LRCH3: variants seen among roughly 807,000 people sequenced by gnomAD.
LRCH3 encodes DISP complex protein LRCH3.
LRCH3 carries 68 observed loss-of-function variants against 104.5 expected under a neutral mutation model. The observed-to-expected ratio is 0.65, with a 90% CI of 0.54 to 0.80. The LOEUF (loss-of-function observed/expected upper bound fraction) is 0.80. LRCH3 is among the 30% of genes least tolerant of loss of function. The pLI is 0.00. For synonymous variants in LRCH3, 344 were observed against 361.3 expected, an observed-to-expected ratio of 0.95 and a Z score of 0.54; for missense variants, 951 against 953.9, an observed-to-expected ratio of 1.00 and a Z score of 0.04.
intron 15 of LRCH3, among the ~76,000 whole-genome samples, chr3:197,863,483 T>C (rs537191219): frequency 1.4e-4 from 21 of 152,142 alleles, no homozygotes; most frequent in African/African-American, 4.8e-4. Context: ...ATGGTCTCAA[T>C]CTCTTGACCA....
chr3:197,807,536 A>G (rs1732651678), intron 1 of LRCH3, among the ~76,000 whole-genome samples: 1 of 151,940 alleles, frequency 6.6e-6, no homozygotes, highest in African/African-American at 2.4e-5. Flanking sequence ...ATGTTTTTAA[A>G]TCCACTTTGC....
intron 10 of LRCH3, among the ~76,000 whole-genome samples, chr3:197,845,406 C>CAAAA (rs370414681): frequency 3.5e-5 from 3 of 85,794 alleles, no homozygotes; most frequent in African/African-American, 7.7e-5. Context: ...GAGACTCTGT[C>CAAAA]AAAAAAAAAA....
chr3:197,860,529 G>C (rs1392157864), intron 15 of LRCH3, among the ~76,000 whole-genome samples: 2 of 152,000 alleles, frequency 1.3e-5, no homozygotes, highest in East Asian at 3.9e-4. Flanking sequence ...TCACACCACT[G>C]TACCCCAGCC....
chr3:197,832,920 A>G (rs1435050541), intron 8 of LRCH3, among the ~76,000 whole-genome samples: 1 of 152,066 alleles, frequency 6.6e-6, no homozygotes, highest in Non-Finnish European at 1.5e-5. Flanking sequence ...TTTCATATTT[A>G]AATTTTGAGG....
chr3:197,834,120 G>GGC (rs1736360182), intron 8 of LRCH3, among the ~76,000 whole-genome samples: 1 of 152,214 alleles, frequency 6.6e-6, no homozygotes, highest in African/African-American at 2.4e-5. Context: ...TAGGCAGCCT[G>GGC]TAGAACGTCA....
At chr3:197,852,745 A>G (rs916464132) in intron 13 of LRCH3, 125 bp downstream of exon 13, 32 of 953,160 alleles carry the variant, frequency 3.4e-5, no homozygotes, top group Non-Finnish European at 4.6e-5. Context: ...CCACCTCACA[A>G]TATTCTCCTT....
At position 197,830,763 on chromosome 3, in the gene LRCH3, T is replaced by TA. The variant is rs774269896; in HGVS notation, c.888-7_888-6insA. The TA allele has an allele frequency of 6.2e-7, 1 of 1,609,716 alleles. No individual in the cohort carries two copies. The highest frequency in any genetic ancestry group is 8.5e-7 in the Non-Finnish European group (1 of 1,176,912). The stretch of plus-strand genomic sequence containing the variant: ...AACTTTGCAGTAACAGAGTCTCTTT[T>TA]CGGCAGCCATGAAGAACTGTACTCA... On this transcript the variant is annotated splice_region_variant and splice_polypyrimidine_tract_variant and intron_variant, in intron 6 of 20. Transcript: ENST00000425562.
chr3:197,837,294 A>AT (rs1192480675), intron 9 of LRCH3, among the ~76,000 whole-genome samples: 1 of 152,214 alleles, frequency 6.6e-6, no homozygotes. Context: ...TAGGCTGTAT[A>AT]AATGGAGTAT....
At chr3:197,855,141 A>G (rs1740079041) in intron 14 of LRCH3, among the ~76,000 whole-genome samples, 2 of 152,324 alleles carry the variant, frequency 1.3e-5, no homozygotes, top group South Asian at 2.1e-4. Flanking sequence ...TCTAGTGCCT[A>G]CAGTGCTAGT....
intron 1 of LRCH3, among the ~76,000 whole-genome samples, chr3:197,799,667 G>C (rs1731648165): frequency 6.6e-6 from 1 of 151,590 alleles, no homozygotes; most frequent in African/African-American, 2.4e-5. Flanking sequence ...AGGAGTTTGA[G>C]ACCAACCTGA....
intron 8 of LRCH3, among the ~76,000 whole-genome samples, chr3:197,834,186 T>A (rs1736373950): frequency 6.6e-6 from 1 of 151,672 alleles, no homozygotes; most frequent in Admixed American, 6.6e-5. Context: ...TAGTAGGAAG[T>A]TTTTTTTTCT....
chr3:197,864,293 C>T (rs1185705421), intron 15 of LRCH3, among the ~76,000 whole-genome samples: 4 of 144,836 alleles, frequency 2.8e-5, no homozygotes, highest in South Asian at 2.2e-4. Flanking sequence ...GCAACAAGAG[C>T]GAGACTCCAT....
chr3:197,835,911 G>A (rs546534605), intron 9 of LRCH3, 89 bp downstream of exon 9: 1 of 1,338,640 alleles, frequency 7.5e-7, no homozygotes, highest in Admixed American at 2.0e-5. Context: ...TCAGTGATTT[G>A]TTGACTGAAG....
chr3:197,812,969 G>A (rs1014644904), intron 1 of LRCH3, among the ~76,000 whole-genome samples: 1 of 152,098 alleles, frequency 6.6e-6, no homozygotes, highest in African/African-American at 2.4e-5. Context: ...TTCCACAGTG[G>A]CTGTTTCCAC....
chr3:197,866,200 CAG>C lies in LRCH3; in HGVS notation c.1855_1856del (p.Arg619GlyfsTer20), dbSNP rs1207010968. The C allele has an allele frequency of 6.2e-7, 1 of 1,613,882 alleles. No homozygotes were observed. Among genetic ancestry groups the C allele is most frequent in the Admixed American group, 1.7e-5 (1 of 60,022 alleles). On this transcript the variant is annotated frameshift_variant, in exon 17 of 21. Coordinates refer to ENST00000425562, the MANE Select transcript of LRCH3 (RefSeq NM_001365715.1). LOFTEE classifies it high-confidence loss of function. Reference protein sequence around the residue: ...PESFLFRAGVRAETNKGHASP... With the variant: ...PESFLFRAGVXAETNKGHASP... ...AAAGCTTCCTTTTCCGAGCAGGTGT[CAG>C]GGCAGAAACCAACAAAGGTAGGTGG...
chr3:197,829,544 A>G lies in LRCH3; in HGVS notation c.778-20A>G. ...TTCAGATGAGTAATAATTTGGCTAC[A>G]TCTGTGTGACTTTATTTAGATATGT... On this transcript the variant is annotated intron_variant, in intron 5 of 20. Transcript: ENST00000425562. 6.5e-7 allele frequency: 1 copy of G among 1,540,360 alleles called. No homozygotes were observed. The highest frequency in any genetic ancestry group is 8.9e-7 in the Non-Finnish European group (1 of 1,124,120).
chr3:197,863,296 T>G (rs1337984873), intron 15 of LRCH3, among the ~76,000 whole-genome samples: 2 of 152,202 alleles, frequency 1.3e-5, no homozygotes, highest in Non-Finnish European at 1.5e-5. Flanking sequence ...GGAGTCTCAC[T>G]CTGTTGCCCA....
chr3:197,863,966 T>C (rs1741169936), intron 15 of LRCH3, among the ~76,000 whole-genome samples: 1 of 152,234 alleles, frequency 6.6e-6, no homozygotes, highest in Admixed American at 6.5e-5. Flanking sequence ...ATGATCATTT[T>C]TCATAGTCTT....
rs1485722254 is a variant in LRCH3, at chr3:197,847,389, T to C, written c.1329-20T>C. ...TTTTATCAAAGAGTTTTTTTCTTTC[T>C]TTTTTCTTTTTTGGGTCAGGGTTCC... On this transcript the variant is annotated intron_variant, in intron 10 of 20. Coordinates refer to ENST00000425562, the MANE Select transcript of LRCH3 (RefSeq NM_001365715.1). 6.4e-7 allele frequency: 1 copy of C among 1,568,080 alleles called. No individual in the cohort carries two copies.
Sources: gnomAD v4.1 joint callset for allele counts (sites outside exome capture counted in the v4.1 genomes callset) on GRCh38, gnomAD v4.1.1 for gene constraint, MANE v1.5 for transcripts, NCBI Gene and HGNC (gene_info 2026-07-23, HGNC 2026-07-21) for gene names.